Variants in CDH4 observed in about 807,000 individuals in gnomAD.
CDH4 encodes the protein cadherin-4.
Under a neutral mutation model 86.0 loss-of-function variants are expected in CDH4, and 33 were observed. The observed-to-expected ratio is 0.38, with a 90% CI of 0.29 to 0.51. The LOEUF is 0.51. Ranked by LOEUF, CDH4 falls within the 20% of genes least tolerant of loss-of-function variation. The pLI, the probability that CDH4 is intolerant of heterozygous loss-of-function variation, is 0.86. For synonymous variants in CDH4, 555 were observed against 549.4 expected, an observed-to-expected ratio of 1.01 and a Z score of -0.14; for missense variants, 1,114 against 1,307.4, an observed-to-expected ratio of 0.85 and a Z score of 2.28.
intron 2 of CDH4, among the ~76,000 whole-genome samples, chr20:61,628,985 G>A (rs1383353458): frequency 3.3e-5 from 5 of 152,240 alleles, no homozygotes; most frequent in African/African-American, 2.4e-5. Context: ...CTTAATGAGC[G>A]TGTGCCGGCA....
At chr20:61,570,995 G>A (rs1271558845) in intron 2 of CDH4, among the ~76,000 whole-genome samples, 1 of 152,190 alleles carries the variant, frequency 6.6e-6, no homozygotes, top group East Asian at 1.9e-4. Context: ...CGCCGCCTGT[G>A]TGTGGGGATG....
intron 4 of CDH4, among the ~76,000 whole-genome samples, chr20:61,792,638 C>CTGTGTGTGTGTGTGTG (rs139135636): frequency 1.3e-5 from 2 of 150,668 alleles, no homozygotes; most frequent in African/African-American, 4.9e-5. Flanking sequence ...TTAGATGATG[C>CTGTGTGTGTGTGTGTG]TGTGTGTGTG....
chr20:61,421,617 G>A lies in CDH4; in HGVS notation c.169+166680G>A, dbSNP rs1209997771. The stretch of plus-strand genomic sequence containing the variant: ...AATCCATGTGCAGCTCTACACTTAA[G>A]ATGTGCATGTTTTCTCTGGAGATGT... On this transcript the variant is annotated intron_variant, in intron 2 of 15. Coordinates refer to ENST00000614565, the MANE Select transcript of CDH4 (RefSeq NM_001794.5). 1.1e-4 allele frequency among the ~76,000 whole-genome samples: 16 copies of A among 152,230 alleles called. No individual in the cohort carries two copies. In the East Asian group the frequency reaches 3.1e-3, roughly 29 times the overall value.
chr20:61,329,567 A>G (rs1336298805), intron 2 of CDH4, among the ~76,000 whole-genome samples: 1 of 151,910 alleles, frequency 6.6e-6, no homozygotes. Flanking sequence ...ACTTTCAATC[A>G]ATCTCTTTCC....
chr20:61,689,756 T>C (rs1394776446), intron 2 of CDH4, among the ~76,000 whole-genome samples: 1 of 150,732 alleles, frequency 6.6e-6, no homozygotes, highest in Non-Finnish European at 1.5e-5. Flanking sequence ...TGAGGTGATG[T>C]GGAATTGGGC....
At chr20:61,779,831 C>T (rs2145996524) in intron 4 of CDH4, among the ~76,000 whole-genome samples, 1 of 152,370 alleles carries the variant, frequency 6.6e-6, no homozygotes, top group African/African-American at 2.4e-5. Flanking sequence ...TGGCCCGTGG[C>T]AGGGGCCCCA....
At chr20:61,500,265 G>A (rs11907165) in intron 2 of CDH4, among the ~76,000 whole-genome samples, 3 of 152,206 alleles carry the variant, frequency 2.0e-5, no homozygotes, top group Non-Finnish European at 4.4e-5. Context: ...GAGGATGCAC[G>A]GTGCTGATAA....
intron 7 of CDH4, among the ~76,000 whole-genome samples, chr20:61,884,813 G>A (rs1221503624): frequency 6.6e-6 from 1 of 152,210 alleles, no homozygotes; most frequent in Admixed American, 6.5e-5. Context: ...GGGTTTGGAG[G>A]AAGGAGAGAG....
In CDH4 at chr20:61,380,247, T is replaced by TA. The variant is rs556042619; in HGVS notation, c.169+125317dup. Among the ~76,000 whole-genome samples the TA allele has an allele frequency of 6.0e-4, 91 of 152,274 alleles. 2 individuals are homozygous for TA. In the South Asian group the frequency reaches 0.017, roughly 28 times the overall value. The stretch of plus-strand genomic sequence containing the variant: ...TTAAGGTTATGCCACACTGAACTGT[T>TA]AAAAAAATCCATCTTACTATACACA... On this transcript the variant is annotated intron_variant, in intron 2 of 15. Transcript: ENST00000614565.
intron 2 of CDH4, among the ~76,000 whole-genome samples, chr20:61,455,773 G>A (rs1034803532): frequency 1.3e-5 from 2 of 152,180 alleles, no homozygotes; most frequent in African/African-American, 4.8e-5. Flanking sequence ...GAGAGCCACT[G>A]TGCTTGACTC....
Position 61,852,908 on chromosome 20 carries a change from T to C in CDH4, c.877+10T>C. ...GAGGGCTCCAAGCCAGGTGAGGCCT[T>C]TAGCGTTTGCTTGCTGGAGACCCTG... On this transcript the variant is annotated intron_variant, in intron 6 of 15. Transcript: ENST00000614565. 6.2e-7 allele frequency: 1 copy of C among 1,613,338 alleles called. No homozygotes were observed. Among genetic ancestry groups the C allele is most frequent in the East Asian group, 2.2e-5 (1 of 44,856 alleles).
chr20:61,520,986 G>A (rs189088365), intron 2 of CDH4, among the ~76,000 whole-genome samples: 33 of 152,250 alleles, frequency 2.2e-4, no homozygotes, highest in African/African-American at 7.0e-4. Context: ...TTGAGGTTGT[G>A]GTGGGAACAC....
intron 8 of CDH4, among the ~76,000 whole-genome samples, chr20:61,899,402 C>A (rs1171640754): frequency 2.0e-5 from 3 of 152,116 alleles, no homozygotes; most frequent in Non-Finnish European, 4.4e-5. Flanking sequence ...TATTCCCCGT[C>A]CCAAGCAAGC....
chr20:61,556,699 G>A (rs2086179977), intron 2 of CDH4, among the ~76,000 whole-genome samples: 1 of 152,058 alleles, frequency 6.6e-6, no homozygotes. Context: ...GTGTAAGCCC[G>A]CGTGCTTCTC....
intron 4 of CDH4, among the ~76,000 whole-genome samples, chr20:61,837,426 G>T (rs1981930933): frequency 6.6e-6 from 1 of 152,166 alleles, no homozygotes; most frequent in South Asian, 2.1e-4. Context: ...ACTCTGCCCG[G>T]GTCATCACTT....
At chr20:61,859,266 G>GT (rs1206718300) in intron 6 of CDH4, among the ~76,000 whole-genome samples, 2 of 152,122 alleles carry the variant, frequency 1.3e-5, no homozygotes, top group Non-Finnish European at 2.9e-5. Context: ...TTACTGTTGA[G>GT]TTTTCGGAAT....
intron 5 of CDH4, among the ~76,000 whole-genome samples, chr20:61,847,465 T>C (rs914277396): frequency 3.3e-5 from 5 of 152,188 alleles, no homozygotes; most frequent in Admixed American, 6.5e-5. Context: ...CAACCCACCA[T>C]GTGCAGAGAC....
At chr20:61,784,712 G>A (rs887225851) in intron 4 of CDH4, among the ~76,000 whole-genome samples, 18 of 114,094 alleles carry the variant, frequency 1.6e-4, no homozygotes, top group African/African-American at 6.5e-4. Context: ...AGTTCCTCGG[G>A]ACAGTTCTCA....
At chr20:61,920,009 A>ATTGCATGGAAGCGTGTT (rs2054953148) in intron 9 of CDH4, among the ~76,000 whole-genome samples, 16 of 84,770 alleles carry the variant, frequency 1.9e-4, no homozygotes, top group East Asian at 1.6e-3. Flanking sequence ...GTGGTGTCAC[A>ATTGCATGGAAGCGTGTT]GTGATTGCGT....
Sources: allele counts gnomAD v4.1 joint callset (sites outside exome capture counted in the v4.1 genomes callset), GRCh38; gene constraint gnomAD v4.1.1; transcripts MANE v1.5; gene names NCBI Gene and HGNC (gene_info 2026-07-23, HGNC 2026-07-21).